SFXN4: variants seen among roughly 807,000 people sequenced by gnomAD.
The protein encoded by SFXN4 is sideroflexin-4.
In SFXN4, 48 loss-of-function variants were observed where a neutral mutation model predicts 54.6. The ratio of observed to expected loss-of-function variants is 0.88; its 90% CI spans 0.70 to 1.12. The LOEUF is 1.12. Ranked by LOEUF, SFXN4 falls within the 50% of genes most tolerant of loss-of-function variation. The pLI, the probability that SFXN4 is intolerant of heterozygous loss-of-function variation, is 0.00. For missense variants in SFXN4, 383 were observed against 409.2 expected, an observed-to-expected ratio of 0.94 and a Z score of 0.55; for synonymous variants, 130 against 145.5, an observed-to-expected ratio of 0.89 and a Z score of 0.77.
intron 12 of SFXN4, 124 bp from the exon 13 acceptor site, chr10:119,146,477 C>CCTG: frequency 2.2e-6 from 1 of 453,568 alleles, no homozygotes; most frequent in East Asian, 3.8e-5. Context: ...GTGTGTGTAC[C>CCTG]TGAACACCTG....
In SFXN4 at chr10:119,159,537, TGGGGAG is replaced by T. The variant is rs3832706; in HGVS notation, c.360+185_360+190del. Among the ~76,000 whole-genome samples the T allele has an allele frequency of 0.31, 45,082 of 144,856 alleles. 7,410 individuals are homozygous for T. The highest frequency in any genetic ancestry group is 0.4 in the South Asian group (1,855 of 4,616). ...GCCCGGATGCCTGACTGGGAGGGTG[TGGGGAG>T]GGGGAGGGAGTGGGGACAAGGACGT... On this transcript the variant is annotated intron_variant, in intron 6 of 13. Transcript: ENST00000355697.
At chr10:119,161,543 G>A (rs1847545377) in intron 3 of SFXN4, among the ~76,000 whole-genome samples, 2 of 151,542 alleles carry the variant, frequency 1.3e-5, no homozygotes, top group Admixed American at 6.6e-5. Flanking sequence ...GTGAAGGCCA[G>A]AGCTGTTATT....
intron 3 of SFXN4, among the ~76,000 whole-genome samples, chr10:119,161,436 A>AAAAAAC (rs1564827542): frequency 1.7e-5 from 2 of 118,574 alleles, no homozygotes; most frequent in African/African-American, 5.9e-5. Context: ...ACAAAAAAAA[A>AAAAAAC]CAAAAAAAAA....
chr10:119,144,375 T>G (rs1846691504), intron 13 of SFXN4, among the ~76,000 whole-genome samples: 1 of 152,008 alleles, frequency 6.6e-6, no homozygotes, highest in African/African-American at 2.4e-5. Flanking sequence ...GAGAATGGCA[T>G]GAACCCGAGA....
chr10:119,141,302 AAGACTAC>A lies in SFXN4; in HGVS notation c.947_953del (p.Cys316LeufsTer25), dbSNP rs1564810105. ...CTGTTGGAGACTGAATTTTCTCTTC[AAGACTAC>A]AGTACTGTATCTGAAAAATAGTTAA... On this transcript the variant is annotated frameshift_variant, in exon 14 of 14. Transcript: ENST00000355697. LOFTEE classifies it high-confidence loss of function. 11 of 1,603,298 alleles carry A rather than the reference AAGACTAC, an allele frequency of 6.9e-6. No homozygotes were observed. Among genetic ancestry groups the A allele is most frequent in the Non-Finnish European group, 7.7e-6 (9 of 1,170,278 alleles).
chr10:119,153,421 G>GA (rs1564820512), intron 11 of SFXN4, among the ~76,000 whole-genome samples: 82 of 148,144 alleles, frequency 5.5e-4, no homozygotes, highest in African/African-American at 2.0e-3. Context: ...AAAAAAGAAA[G>GA]AAAAGAAAAA....
chr10:119,156,646 C>A (rs753905055), intron 10 of SFXN4, 32 bp downstream of exon 10: 2 of 1,550,258 alleles, frequency 1.3e-6, no homozygotes, highest in East Asian at 2.3e-5. Flanking sequence ...GACACCCCAC[C>A]CAGACTGCAG....
At chr10:119,160,806 G>A in intron 5 of SFXN4, 109 bp downstream of exon 5, 2 of 1,104,844 alleles carry the variant, frequency 1.8e-6, no homozygotes, top group Admixed American at 1.7e-5. Context: ...CACCATGTTG[G>A]CCAGGCTGGT....
chr10:119,147,476 C>A lies in SFXN4; in HGVS notation c.818+299G>T, dbSNP rs12416153. ...AGCACATGAGAGCCAGGGGAACCTG[C>A]AAATCATCCAAGCCCCTCATTCTAG... On this transcript the variant is annotated intron_variant, in intron 12 of 13. Transcript: ENST00000355697. Among the ~76,000 whole-genome samples, 880 of 152,306 alleles carry A rather than the reference C, an allele frequency of 5.8e-3. 38 individuals carry two copies. The highest frequency in any genetic ancestry group is 0.051 in the Admixed American group (785 of 15,286).
At position 119,159,438 on chromosome 10, in the gene SFXN4, C is replaced by T. The variant is rs925388; in HGVS notation, c.360+290G>A. ...AGGGAGCTCATCCTAACTCACTGGCCGCTTCTACCGTGCTCTGCGCATACT... is the reference window on the plus strand; with the variant it reads ...AGGGAGCTCATCCTAACTCACTGGCTGCTTCTACCGTGCTCTGCGCATACT... On this transcript the variant is annotated intron_variant, in intron 6 of 13. Transcript: ENST00000355697. 0.48 allele frequency among the ~76,000 whole-genome samples: 72,884 copies of T among 151,876 alleles called. 17,805 individuals are homozygous for T. The highest frequency in any genetic ancestry group is 0.72 in the East Asian group (3,720 of 5,168).
chr10:119,146,447 G>GTA, intron 12 of SFXN4, 94 bp from the exon 13 acceptor site: 1 of 585,996 alleles, frequency 1.7e-6, no homozygotes. Context: ...GTGTGTGTGT[G>GTA]TGTGTGTGTG....
In SFXN4 at chr10:119,147,927, T is replaced by C. The variant is rs142927940; in HGVS notation, c.733-67A>G. On this transcript the variant is annotated intron_variant, in intron 11 of 13. Transcript: ENST00000355697. Reference sequence around the variant, plus strand: ...GGCTCACGCCTGTAATCCCTGCACTTTGGGAGGCCGAGGCGGGTAGATCGC... The same window carrying C: ...GGCTCACGCCTGTAATCCCTGCACTCTGGGAGGCCGAGGCGGGTAGATCGC... The C allele has an allele frequency of 5.5e-3, 7,291 of 1,319,152 alleles. 46 individuals are homozygous for C. Among genetic ancestry groups the C allele is most frequent in the Admixed American group, 6.7e-3 (387 of 58,012 alleles). The allele number at this position is 1,319,152 out of a possible 1,614,324, so 81.7% of individuals were successfully genotyped here.
At position 119,165,665 on chromosome 10, in the gene SFXN4, GGCCGCC is replaced by G; in HGVS notation, c.-24_-19del. On this transcript the variant is annotated 5_prime_UTR_variant, in exon 1 of 14. Transcript: ENST00000355697. ...AGGGACATTTTGCGCTGGTTAGAGT[GGCCGCC>G]GCCGCCAGGCCGCGCGTGGAGGAGG... is the stretch of plus-strand genomic sequence containing the variant. The G allele has an allele frequency of 6.5e-7, 1 of 1,541,126 alleles. No homozygotes were observed. The highest frequency in any genetic ancestry group is 8.7e-7 in the Non-Finnish European group (1 of 1,149,550).
chr10:119,142,284 T>C (rs749578832), intron 13 of SFXN4, among the ~76,000 whole-genome samples: 1 of 152,102 alleles, frequency 6.6e-6, no homozygotes, highest in Non-Finnish European at 1.5e-5. Context: ...TATTAACAAT[T>C]TGCAGATCTC....
At chr10:119,155,330 C>G (rs915965345) in intron 10 of SFXN4, among the ~76,000 whole-genome samples, 153 bp from the exon 11 acceptor site, 1 of 152,196 alleles carries the variant, frequency 6.6e-6, no homozygotes, top group Non-Finnish European at 1.5e-5. Context: ...TAGGCTGGGC[C>G]AACCAAGTGC....
chr10:119,149,188 GACAC>G (rs1026157172), intron 11 of SFXN4, among the ~76,000 whole-genome samples: 4 of 152,160 alleles, frequency 2.6e-5, no homozygotes, highest in South Asian at 4.1e-4. Flanking sequence ...CCCTGGGTAA[GACAC>G]ACACACCACA....
chr10:119,146,447 G>A, intron 12 of SFXN4, 94 bp from the exon 13 acceptor site: 1 of 585,996 alleles, frequency 1.7e-6, no homozygotes, highest in Non-Finnish European at 3.0e-6. Flanking sequence ...GTGTGTGTGT[G>A]TGTGTGTGTG....
At chr10:119,160,834 A>G in intron 5 of SFXN4, 81 bp downstream of exon 5, 1 of 1,408,814 alleles carries the variant, frequency 7.1e-7, no homozygotes, top group Non-Finnish European at 1.0e-6. Context: ...TCCTGACCCC[A>G]GGTGATCCGG....
At chr10:119,160,292 G>A (rs952695038) in intron 5 of SFXN4, among the ~76,000 whole-genome samples, 69 of 152,226 alleles carry the variant, frequency 4.5e-4, no homozygotes, top group South Asian at 4.1e-4. Flanking sequence ...CGGATCAGAA[G>A]GTCAGGAGTT....
Sources: allele counts gnomAD v4.1 joint callset (sites outside exome capture counted in the v4.1 genomes callset), GRCh38; gene constraint gnomAD v4.1.1; transcripts MANE v1.5; gene names NCBI Gene and HGNC (gene_info 2026-07-23, HGNC 2026-07-21).